KCND2: variants seen among roughly 807,000 people sequenced by gnomAD.
KCND2 encodes the protein potassium voltage-gated channel subfamily D member 2.
In KCND2, 16 loss-of-function variants were observed where a neutral mutation model predicts 54.4. The ratio of observed to expected loss-of-function variants is 0.29; its 90% CI spans 0.20 to 0.45. KCND2 has a LOEUF of 0.45. Ranked by LOEUF, KCND2 falls within the 20% of genes least tolerant of loss-of-function variation. KCND2 has a pLI of 1.00. For synonymous variants in KCND2, 317 were observed against 310.7 expected, an observed-to-expected ratio of 1.02 and a Z score of -0.21; for missense variants, 486 against 824.2, an observed-to-expected ratio of 0.59 and a Z score of 5.02.
At chr7:120,513,491 T>G (rs1803150803) in intron 1 of KCND2, among the ~76,000 whole-genome samples, 1 of 152,176 alleles carries the variant, frequency 6.6e-6, no homozygotes, top group South Asian at 2.1e-4. Context: ...ATTTAGATAC[T>G]CTATTTTGGA....
At chr7:120,637,293 T>G (rs1050352865) in intron 1 of KCND2, among the ~76,000 whole-genome samples, 3 of 152,112 alleles carry the variant, frequency 2.0e-5, no homozygotes, top group Non-Finnish European at 4.4e-5. Flanking sequence ...AGGCATTAAG[T>G]CTAAGGATTA....
At chr7:120,322,509 G>A (rs1010843951) in intron 1 of KCND2, among the ~76,000 whole-genome samples, 3 of 152,036 alleles carry the variant, frequency 2.0e-5, no homozygotes, top group Non-Finnish European at 4.4e-5. Flanking sequence ...AGTTCATAAA[G>A]CAAACAAAAT....
chr7:120,494,661 G>A (rs1175018978), intron 1 of KCND2, among the ~76,000 whole-genome samples: 2 of 152,100 alleles, frequency 1.3e-5, no homozygotes, highest in Non-Finnish European at 1.5e-5. Context: ...AAATCCAGAT[G>A]ATTTTGTAAT....
At chr7:120,679,088 A>G (rs1792108072) in intron 1 of KCND2, among the ~76,000 whole-genome samples, 1 of 151,844 alleles carries the variant, frequency 6.6e-6, no homozygotes. Flanking sequence ...CATTGTGTAT[A>G]TATTATTCCA....
At chr7:120,281,313 T>TAC (rs1318237686) in intron 1 of KCND2, among the ~76,000 whole-genome samples, 2 of 151,930 alleles carry the variant, frequency 1.3e-5, no homozygotes, top group East Asian at 3.9e-4. Context: ...TAAGCAGGGA[T>TAC]ACACACACAC....
In KCND2 at chr7:120,561,180, T is replaced by C. The variant is rs539865616; in HGVS notation, c.1116-171723T>C. Among the ~76,000 whole-genome samples, 3 of 152,328 alleles carry C rather than the reference T, an allele frequency of 2.0e-5. No homozygotes were observed. In the East Asian group the frequency reaches 5.8e-4, roughly 29 times the overall value. On this transcript the variant is annotated intron_variant, in intron 1 of 5. Coordinates refer to ENST00000331113, the MANE Select transcript of KCND2 (RefSeq NM_012281.3). ...TGACATTAATCCATTAATTTATTTATGACTTAACAGCATTGAGAGCTTACT... is the reference window on the plus strand; with the variant it reads ...TGACATTAATCCATTAATTTATTTACGACTTAACAGCATTGAGAGCTTACT...
At chr7:120,690,686 T>G (rs550159613) in intron 1 of KCND2, among the ~76,000 whole-genome samples, 4 of 152,318 alleles carry the variant, frequency 2.6e-5, no homozygotes, top group African/African-American at 9.6e-5. Flanking sequence ...ATATTCCTAA[T>G]AATCACATTG....
intron 1 of KCND2, among the ~76,000 whole-genome samples, chr7:120,613,659 C>A (rs984033602): frequency 2.6e-5 from 4 of 152,100 alleles, no homozygotes; most frequent in Non-Finnish European, 5.9e-5. Context: ...TGCATTATAC[C>A]ATTATGTAAC....
chr7:120,307,792 A>G (rs1262738208), intron 1 of KCND2, among the ~76,000 whole-genome samples: 1 of 152,118 alleles, frequency 6.6e-6, no homozygotes, highest in African/African-American at 2.4e-5. Context: ...AGCTTCTGAG[A>G]CTAGACACCG....
chr7:120,317,042 A>G (rs955930388), intron 1 of KCND2, among the ~76,000 whole-genome samples: 7 of 152,204 alleles, frequency 4.6e-5, no homozygotes, highest in Admixed American at 3.9e-4. Flanking sequence ...TCACCCTGTC[A>G]GCCAGGATGG....
intron 1 of KCND2, among the ~76,000 whole-genome samples, chr7:120,332,271 CT>C (rs1800080619): frequency 6.6e-6 from 1 of 152,116 alleles, no homozygotes; most frequent in Admixed American, 6.5e-5. Context: ...CAAATATACA[CT>C]TTTGGAATCA....
chr7:120,703,969 T>G (rs1792434474), intron 1 of KCND2, among the ~76,000 whole-genome samples: 1 of 152,204 alleles, frequency 6.6e-6, no homozygotes, highest in Non-Finnish European at 1.5e-5. Context: ...TTTCTGATGG[T>G]TTCCCTGGCA....
rs1373423109 is a variant in KCND2, at chr7:120,312,207, C to G, written c.1115+36460C>G. 3.3e-5 allele frequency among the ~76,000 whole-genome samples: 5 copies of G among 151,896 alleles called. No homozygotes were observed. In the East Asian group the frequency reaches 9.7e-4, roughly 29 times the overall value. On this transcript the variant is annotated intron_variant, in intron 1 of 5. Coordinates refer to ENST00000331113, the MANE Select transcript of KCND2 (RefSeq NM_012281.3). ...CAGGCATGAGCCACTGTGCCTGGCC[C>G]TTAGGTATTTTTTTTTAAATGACCG...
chr7:120,315,075 A>T (rs1444656467), intron 1 of KCND2, among the ~76,000 whole-genome samples: 1 of 152,182 alleles, frequency 6.6e-6, no homozygotes, highest in Non-Finnish European at 1.5e-5. Context: ...TTACCAACTG[A>T]TTACAGCTTA....
At chr7:120,290,109 C>G (rs1440842715) in intron 1 of KCND2, among the ~76,000 whole-genome samples, 2 of 152,034 alleles carry the variant, frequency 1.3e-5, no homozygotes, top group African/African-American at 4.8e-5. Flanking sequence ...AAAATCTCCC[C>G]CACAGATTTT....
intron 1 of KCND2, among the ~76,000 whole-genome samples, chr7:120,468,303 G>C (rs866110343): frequency 6.6e-6 from 1 of 152,126 alleles, no homozygotes; most frequent in African/African-American, 2.4e-5. Flanking sequence ...AAAAGAATTA[G>C]TAATTTATTT....
At chr7:120,504,614 G>A (rs967498347) in intron 1 of KCND2, among the ~76,000 whole-genome samples, 5 of 151,714 alleles carry the variant, frequency 3.3e-5, no homozygotes, top group Non-Finnish European at 7.4e-5. Context: ...AAAGTTTCTA[G>A]GCAGCCTGCC....
intron 1 of KCND2, among the ~76,000 whole-genome samples, chr7:120,434,165 T>C (rs1353533600): frequency 6.6e-6 from 1 of 152,204 alleles, no homozygotes; most frequent in East Asian, 1.9e-4. Flanking sequence ...AAATGGGTCC[T>C]ATACCATTCA....
At chr7:120,517,110 A>C (rs1412422875) in intron 1 of KCND2, among the ~76,000 whole-genome samples, 1 of 152,154 alleles carries the variant, frequency 6.6e-6, no homozygotes, top group Admixed American at 6.6e-5. Context: ...ATTATTGACT[A>C]TGCAATTACT....
Sources: allele counts gnomAD v4.1 joint callset (sites outside exome capture counted in the v4.1 genomes callset), GRCh38; gene constraint gnomAD v4.1.1; transcripts MANE v1.5; gene names NCBI Gene and HGNC (gene_info 2026-07-23, HGNC 2026-07-21).